LRRTM4: variants seen among roughly 807,000 people sequenced by gnomAD.
The protein encoded by LRRTM4 is leucine rich repeat transmembrane neuronal 4.
Under a neutral mutation model 47.6 loss-of-function variants are expected in LRRTM4, and 25 were observed. That is an observed-to-expected ratio of 0.53 (90% CI 0.38 to 0.73). The LOEUF (loss-of-function observed/expected upper bound fraction) is 0.73. Among genes scored for constraint, LRRTM4 ranks in the 30% least tolerant of loss-of-function variants. The pLI is 0.00. For synonymous variants in LRRTM4, 311 were observed against 269.5 expected, an observed-to-expected ratio of 1.15 and a Z score of -1.51; for missense variants, 638 against 713.4, an observed-to-expected ratio of 0.89 and a Z score of 1.20.
chr2:77,181,724 T>C (rs942476452), intron 3 of LRRTM4, among the ~76,000 whole-genome samples: 2 of 152,024 alleles, frequency 1.3e-5, no homozygotes, highest in Admixed American at 6.6e-5. Flanking sequence ...TCTTAACTAA[T>C]AAATTTATGA....
intron 3 of LRRTM4, among the ~76,000 whole-genome samples, chr2:76,921,058 CT>C (rs1674418436): frequency 1.3e-5 from 2 of 152,010 alleles, no homozygotes; most frequent in African/African-American, 4.8e-5. Flanking sequence ...ATGAACTTAA[CT>C]TTACACTTTA....
chr2:76,780,175 C>T (rs933904550), intron 3 of LRRTM4, among the ~76,000 whole-genome samples: 12 of 152,182 alleles, frequency 7.9e-5, no homozygotes, highest in African/African-American at 2.9e-4. Context: ...CCCGACCTTT[C>T]TCTCTGGCTG....
chr2:77,131,296 G>T (rs1168039572), intron 3 of LRRTM4, among the ~76,000 whole-genome samples: 3 of 152,094 alleles, frequency 2.0e-5, no homozygotes, highest in Admixed American at 2.0e-4. Flanking sequence ...CATTTGAGAC[G>T]AGAGACTAAA....
intron 3 of LRRTM4, among the ~76,000 whole-genome samples, chr2:76,885,164 T>C (rs1573255545): frequency 6.6e-6 from 1 of 152,102 alleles, no homozygotes; most frequent in East Asian, 1.9e-4. Context: ...GTAAATATTT[T>C]AAAAACCACT....
At chr2:77,475,177 T>C (rs1312490197) in intron 3 of LRRTM4, among the ~76,000 whole-genome samples, 1 of 152,044 alleles carries the variant, frequency 6.6e-6, no homozygotes, top group Non-Finnish European at 1.5e-5. Flanking sequence ...ATATACCAAG[T>C]GTGTTTTGCA....
chr2:77,434,669 C>G lies in LRRTM4; in HGVS notation c.1551+83649G>C, dbSNP rs72811224. Reference sequence around the variant, plus strand: ...TTCTCTCCAGGTTTGGTGTTCAGTACTTTGCATGCATTATTTTATCTTCTA... The same window carrying G: ...TTCTCTCCAGGTTTGGTGTTCAGTAGTTTGCATGCATTATTTTATCTTCTA... On this transcript the variant is annotated intron_variant, in intron 3 of 3. Coordinates refer to ENST00000409884, the MANE Select transcript of LRRTM4 (RefSeq NM_001134745.3). Among the ~76,000 whole-genome samples, 217 of 152,236 alleles carry G rather than the reference C, an allele frequency of 1.4e-3. 2 individuals carry two copies. Among genetic ancestry groups the G allele is most frequent in the Non-Finnish European group, 1.5e-3 (103 of 68,004 alleles).
intron 3 of LRRTM4, among the ~76,000 whole-genome samples, chr2:77,192,429 A>G (rs1673695431): frequency 6.6e-6 from 1 of 152,148 alleles, no homozygotes; most frequent in African/African-American, 2.4e-5. Flanking sequence ...TAATTTAAAA[A>G]AAAATTAGTA....
chr2:77,378,471 T>C (rs1454019697), intron 3 of LRRTM4, among the ~76,000 whole-genome samples: 1 of 152,134 alleles, frequency 6.6e-6, no homozygotes, highest in African/African-American at 2.4e-5. Flanking sequence ...TCCATCATCT[T>C]TCAAAAGAAA....
At chr2:77,343,779 G>T (rs1298976567) in intron 3 of LRRTM4, among the ~76,000 whole-genome samples, 1 of 151,862 alleles carries the variant, frequency 6.6e-6, no homozygotes, top group East Asian at 1.9e-4. Context: ...TTTGTAGTTT[G>T]TGCTATAAGG....
intron 3 of LRRTM4, among the ~76,000 whole-genome samples, chr2:77,101,325 T>C (rs1305524510): frequency 2.0e-5 from 3 of 152,200 alleles, no homozygotes; most frequent in African/African-American, 4.8e-5. Flanking sequence ...GGAATAATTA[T>C]ATTCTCTATA....
intron 3 of LRRTM4, among the ~76,000 whole-genome samples, chr2:76,962,728 G>C (rs1675901970): frequency 6.7e-6 from 1 of 150,194 alleles, no homozygotes; most frequent in African/African-American, 2.4e-5. Context: ...AAAATAGACA[G>C]AACATCTTAG....
At chr2:76,792,293 G>C (rs1037159656) in intron 3 of LRRTM4, among the ~76,000 whole-genome samples, 3 of 151,910 alleles carry the variant, frequency 2.0e-5, no homozygotes, top group African/African-American at 7.3e-5. Context: ...TAAGATGAAA[G>C]TCATAGGCTG....
chr2:77,319,491 C>T (rs184562003), intron 3 of LRRTM4, among the ~76,000 whole-genome samples: 2 of 152,282 alleles, frequency 1.3e-5, no homozygotes. Flanking sequence ...TGCTCCACCC[C>T]TTCAAGCTGA....
intron 3 of LRRTM4, among the ~76,000 whole-genome samples, chr2:76,920,306 T>A (rs1261566424): frequency 2.0e-5 from 3 of 152,154 alleles, no homozygotes; most frequent in African/African-American, 7.2e-5. Flanking sequence ...TAGCCTCAGA[T>A]AAGGTACTTT....
intron 3 of LRRTM4, among the ~76,000 whole-genome samples, chr2:77,333,142 G>A (rs1671031802): frequency 6.6e-6 from 1 of 152,142 alleles, no homozygotes; most frequent in Non-Finnish European, 1.5e-5. Flanking sequence ...GGACTTCCCA[G>A]CCATGTGGAA....
intron 3 of LRRTM4, among the ~76,000 whole-genome samples, chr2:76,815,626 G>T (rs1314062118): frequency 6.6e-6 from 1 of 152,110 alleles, no homozygotes; most frequent in African/African-American, 2.4e-5. Context: ...TGATTTGTAT[G>T]ATTGGATTGT....
At chr2:77,182,789 T>A (rs1673386834) in intron 3 of LRRTM4, among the ~76,000 whole-genome samples, 1 of 152,156 alleles carries the variant, frequency 6.6e-6, no homozygotes. Flanking sequence ...GCCCATTCAG[T>A]ATGATATTGG....
intron 3 of LRRTM4, among the ~76,000 whole-genome samples, chr2:76,871,037 C>T (rs1672609043): frequency 6.6e-6 from 1 of 152,108 alleles, no homozygotes. Context: ...AATTAGGTTG[C>T]AAAGCAGTAT....
chr2:77,325,209 C>T (rs953621603), intron 3 of LRRTM4, among the ~76,000 whole-genome samples: 5 of 152,110 alleles, frequency 3.3e-5, no homozygotes, highest in African/African-American at 1.2e-4. Flanking sequence ...TTTTCTATAT[C>T]CAAATCCCTG....
Sources: gnomAD v4.1 joint callset for allele counts (sites outside exome capture counted in the v4.1 genomes callset) on GRCh38, gnomAD v4.1.1 for gene constraint, MANE v1.5 for transcripts, NCBI Gene and HGNC (gene_info 2026-07-23, HGNC 2026-07-21) for gene names.